HMOX1: variants seen among roughly 807,000 people sequenced by gnomAD.
The protein encoded by HMOX1 is heme oxygenase 1.
A neutral mutation model predicts 27.8 loss-of-function variants in HMOX1; 22 were observed. The ratio of observed to expected loss-of-function variants is 0.79; its 90% CI spans 0.57 to 1.13. HMOX1 has a LOEUF of 1.13. Among genes scored for constraint, HMOX1 ranks in the 50% most tolerant of loss-of-function variants. The pLI, the probability that HMOX1 is intolerant of heterozygous loss-of-function variation, is 0.00. For missense variants in HMOX1, 379 were observed against 377.7 expected (o/e 1.00, Z -0.03); for synonymous variants, 153 against 151.6 (o/e 1.01, Z -0.07).
In HMOX1 at chr22:35,383,106, C is replaced by T. The variant is rs1438904518; in HGVS notation, c.24C>T (p.Ser8=). The T allele has an allele frequency of 6.2e-7, 1 of 1,613,500 alleles. No homozygotes were observed. Among genetic ancestry groups the T allele is most frequent in the East Asian group, 2.2e-5 (1 of 44,860 alleles). The change falls in exon 2 of 5, where the codon AGC becomes AGT. Residue 8 remains serine (S), a splice_region_variant and synonymous_variant. Transcript: ENST00000216117. ...TTCACCTTTCCCATTTCCTCCTCAG[C>T]ATGCCCCAGGATTTGTCAGAGGCCC... The part of the protein sequence containing the change: MERPQPD[S]MPQDLSEALK...
intron 2 of HMOX1, among the ~76,000 whole-genome samples, chr22:35,383,908 G>T (rs768473430): frequency 6.6e-6 from 1 of 151,896 alleles, no homozygotes; most frequent in African/African-American, 2.4e-5. Context: ...AGCACTTGAT[G>T]AAGAACCGGG....
intron 2 of HMOX1, 30 bp from the exon 3 acceptor site, chr22:35,386,655 G>A: frequency 6.2e-7 from 1 of 1,613,814 alleles, no homozygotes; most frequent in Non-Finnish European, 8.5e-7. Context: ...CTATGTGGCT[G>A]GCGGCCTGAC....
At chr22:35,392,806 C>G (rs948514915) in intron 4 of HMOX1, among the ~76,000 whole-genome samples, 10 of 151,816 alleles carry the variant, frequency 6.6e-5, no homozygotes, top group Non-Finnish European at 1.5e-4. Context: ...CAACCTCTGC[C>G]TCCTGGGTTC....
intron 3 of HMOX1, among the ~76,000 whole-genome samples, chr22:35,389,250 TTCTCTCTC>T (rs72053640): frequency 1.6e-4 from 17 of 107,862 alleles, no homozygotes; most frequent in East Asian, 5.3e-4. Context: ...TTTCTTTCTT[TTCTCTCTC>T]TCTCTCTCTC....
rs1931528335 is a variant in HMOX1, at chr22:35,387,048, C to G, written c.508C>G (p.Pro170Ala). Residue 170 changes from proline to alanine, a missense_variant, in exon 3 of 5, where the codon CCC (proline) becomes GCC (alanine). Pro to Ala is a conservative substitution (Grantham distance 27). Coordinates refer to ENST00000216117, the MANE Select transcript of HMOX1 (RefSeq NM_002133.3). ...CGAGGGCCTGGCCTTCTTCACCTTC[C>G]CCAACATTGCCAGTGCCACCAAGTT... ...SGEGLAFFTF[P>A]NIASATKFKQ... 6.2e-7 allele frequency: 1 copy of G among 1,613,566 alleles called. No individual in the cohort carries two copies. Among genetic ancestry groups the G allele is most frequent in the Non-Finnish European group, 8.5e-7 (1 of 1,180,042 alleles).
In HMOX1 at chr22:35,393,595, G is replaced by T; in HGVS notation, c.864G>T (p.Met288Ile). 1 of 1,614,140 alleles carries T rather than the reference G, an allele frequency of 6.2e-7. No homozygotes were observed. Among genetic ancestry groups the T allele is most frequent in the Non-Finnish European group, 8.5e-7 (1 of 1,179,982 alleles). The change falls in exon 5 of 5, where the codon ATG becomes ATT. Residue 288 changes from methionine (M) to isoleucine (I), a missense_variant. Coordinates refer to ENST00000216117, the MANE Select transcript of HMOX1 (RefSeq NM_002133.3). ...CAGTTGCTGTAGGGCTTTATGCCAT[G>T]TGAATGCAGGCATGCTGGCTCCCAG... ...VATVAVGLYA[M>I] is the part of the protein sequence containing the mutation.
chr22:35,382,782 A>T (rs1356473522), intron 1 of HMOX1, among the ~76,000 whole-genome samples: 4 of 151,498 alleles, frequency 2.6e-5, no homozygotes, highest in Admixed American at 6.6e-5. Flanking sequence ...AATTACAGGC[A>T]TAATTGCTGG....
chr22:35,386,738 G>A lies in HMOX1; in HGVS notation c.198G>A (p.Glu66=), dbSNP rs1931514096. 1 of 1,614,216 alleles carries A rather than the reference G, an allele frequency of 6.2e-7. No individual in the cohort carries two copies. Among genetic ancestry groups the A allele is most frequent in the Non-Finnish European group, 8.5e-7 (1 of 1,180,040 alleles). Residue 66 remains glutamate, a synonymous_variant, in exon 3 of 5, where the codon GAG becomes GAA. Coordinates refer to ENST00000216117, the MANE Select transcript of HMOX1 (RefSeq NM_002133.3). ...ATGTGGCCCTGGAGGAGGAGATTGAGCGCAACAAGGAGAGCCCAGTCTTCG... is the reference window on the plus strand; with the variant it reads ...ATGTGGCCCTGGAGGAGGAGATTGAACGCAACAAGGAGAGCCCAGTCTTCG... The part of the protein sequence containing the change: ...HIYVALEEEI[E]RNKESPVFAP...
At chr22:35,389,341 C>CTCCT (rs1232057826) in intron 3 of HMOX1, among the ~76,000 whole-genome samples, 2,236 of 62,478 alleles carry the variant, frequency 0.036, 161 homozygotes, top group Admixed American at 0.043. Context: ...TTTCTTTCTT[C>CTCCT]TCCTTCCTTC....
chr22:35,384,213 C>G (rs1437915525), intron 2 of HMOX1, among the ~76,000 whole-genome samples: 1 of 152,056 alleles, frequency 6.6e-6, no homozygotes, highest in Admixed American at 6.6e-5. Context: ...TCCCAAGTAG[C>G]TGGGACTACA....
chr22:35,393,626 T>C lies in HMOX1; in HGVS notation c.*28T>C, dbSNP rs1456057349. 1.2e-6 allele frequency: 2 copies of C among 1,613,880 alleles called. No individual in the cohort carries two copies. Among genetic ancestry groups the C allele is most frequent in the Admixed American group, 1.7e-5 (1 of 60,014 alleles). On this transcript the variant is annotated 3_prime_UTR_variant, in exon 5 of 5. Transcript: ENST00000216117. ...GCAGGCATGCTGGCTCCCAGGGCCA[T>C]GAACTTTGTCCGGTGGAAGGCCTTC...
In HMOX1 at chr22:35,390,272, G is replaced by A. The variant is rs5999814; in HGVS notation, c.736+309G>A. 537 of 403,328 alleles carry A rather than the reference G, an allele frequency of 1.3e-3. 5 individuals carry two copies. Among genetic ancestry groups the A allele is most frequent in the African/African-American group, 0.01 (505 of 48,702 alleles). 25.0% of individuals were successfully genotyped at this position (403,328 alleles called of 1,614,324 possible). A position where few individuals can be genotyped will look rare whatever the true frequency, so the allele number is the denominator to read the frequency against. On this transcript the variant is annotated intron_variant, in intron 4 of 4. Transcript: ENST00000216117. ...TTTGAGATGGAGTCTCACCCAGGCT[G>A]GAGTGCAGTGGCGCGATCTCAGCTC...
In HMOX1 at chr22:35,386,891, G is replaced by A. The variant is rs1417826482; in HGVS notation, c.351G>A (p.Arg117=). The change falls in exon 3 of 5, where the codon CGG becomes CGA. Residue 117 remains arginine (R), a synonymous_variant. Coordinates refer to ENST00000216117, the MANE Select transcript of HMOX1 (RefSeq NM_002133.3). ...YTPAMQRYVK[R]LHEVGRTEPE... ...CAGCCATGCAGCGCTATGTGAAGCG[G>A]CTCCACGAGGTGGGGCGCACAGAGC... 2 of 1,614,084 alleles carry A rather than the reference G, an allele frequency of 1.2e-6. No individual in the cohort carries two copies.
At chr22:35,390,139 C>A (rs1478908392) in intron 4 of HMOX1, 176 bp downstream of exon 4, 2 of 646,344 alleles carry the variant, frequency 3.1e-6, no homozygotes, top group Non-Finnish European at 5.6e-6. Context: ...TTGCCCAGGC[C>A]AGTCTTGAAC....
chr22:35,389,223 TTC>T (rs1427801476), intron 3 of HMOX1, among the ~76,000 whole-genome samples: 2 of 127,564 alleles, frequency 1.6e-5, no homozygotes, highest in Non-Finnish European at 3.3e-5. Flanking sequence ...CTCTCTTTCT[TTC>T]TTTCTTTCTT....
intron 3 of HMOX1, among the ~76,000 whole-genome samples, chr22:35,389,449 T>TTTCTTTCTTTCTTTC (rs1555901645): frequency 1.5e-4 from 15 of 102,760 alleles, no homozygotes; most frequent in South Asian, 2.9e-4. Context: ...TCTTTCTTTC[T>TTTCTTTCTTTCTTTC]TTTCTTTCTT....
At chr22:35,391,533 C>T (rs1370233251) in intron 4 of HMOX1, among the ~76,000 whole-genome samples, 20 of 151,134 alleles carry the variant, frequency 1.3e-4, no homozygotes, top group African/African-American at 3.6e-4. Context: ...GTGATCCGCC[C>T]GCCTCGGCCT....
At position 35,387,726 on chromosome 22, in the gene HMOX1, A is replaced by T. The variant is rs117604136; in HGVS notation, c.636+550A>T. Among the ~76,000 whole-genome samples, 520 of 152,266 alleles carry T rather than the reference A, an allele frequency of 3.4e-3. 6 individuals are homozygous for T. Among genetic ancestry groups the T allele is most frequent in the Non-Finnish European group, 5.9e-3 (401 of 68,004 alleles). The stretch of plus-strand genomic sequence containing the variant: ...AGGATGAATTCTTGGGCAGAGGTGG[A>T]GGGGTGAGGGGCTCCTTCTAACCAG... On this transcript the variant is annotated intron_variant, in intron 3 of 4. Coordinates refer to ENST00000216117, the MANE Select transcript of HMOX1 (RefSeq NM_002133.3).
At position 35,386,814 on chromosome 22, in the gene HMOX1, G is replaced by C; in HGVS notation, c.274G>C (p.Asp92His). The part of the protein sequence containing the change: ...ELHRKAALEQ[D>H]LAFWYGPRWQ... ...GCACCGCAAGGCTGCCCTGGAGCAG[G>C]ACCTGGCCTTCTGGTACGGGCCCCG... Residue 92 changes from aspartate to histidine, a missense_variant, in exon 3 of 5, where the codon GAC becomes CAC. Asp to His is a moderately conservative substitution (Grantham distance 81, BLOSUM62 -1). Transcript: ENST00000216117. The C allele has an allele frequency of 6.2e-7, 1 of 1,614,222 alleles. No homozygotes were observed. The highest frequency in any genetic ancestry group is 1.1e-5 in the South Asian group (1 of 91,082).
Sources: gnomAD v4.1 joint callset for allele counts (sites outside exome capture counted in the v4.1 genomes callset) on GRCh38, gnomAD v4.1.1 for gene constraint, MANE v1.5 for transcripts, NCBI Gene and HGNC (gene_info 2026-07-23, HGNC 2026-07-21) for gene names.